CSMD1: variants seen among roughly 807,000 people sequenced by gnomAD.
The protein encoded by CSMD1 is CUB and Sushi multiple domains 1.
Under a neutral mutation model 417.5 loss-of-function variants are expected in CSMD1, and 213 were observed. The ratio of observed to expected loss-of-function variants is 0.51; its 90% confidence interval spans 0.46 to 0.57. The LOEUF (loss-of-function observed/expected upper bound fraction) is 0.57, where lower values mean the gene tolerates loss of function less well. CSMD1 is among the 20% of genes least tolerant of loss of function. The pLI, the probability that CSMD1 is intolerant of heterozygous loss-of-function variation, is 0.00. For missense variants in CSMD1, 6,923 were observed against 4,529.7 expected, an observed-to-expected ratio of 1.53 and a Z score of -15.17; for synonymous variants, 2,862 against 1,736.8, an observed-to-expected ratio of 1.65 and a Z score of -16.11.
At chr8:4,432,198 AAATTGG>A (rs368167153) in intron 2 of CSMD1, among the ~76,000 whole-genome samples, 23 of 152,346 alleles carry the variant, frequency 1.5e-4, no homozygotes, top group Non-Finnish European at 3.2e-4. Flanking sequence ...TGAAAAAGTA[AAATTGG>A]AATTTAAAAA....
intron 3 of CSMD1, among the ~76,000 whole-genome samples, chr8:4,147,841 C>G (rs532710243): frequency 1.3e-5 from 2 of 152,178 alleles, no homozygotes; most frequent in South Asian, 4.1e-4. Context: ...AGAAAGACTT[C>G]TCTGGTCTGG....
At chr8:4,985,192 A>G (rs1489533182) in intron 1 of CSMD1, among the ~76,000 whole-genome samples, 1 of 152,098 alleles carries the variant, frequency 6.6e-6, no homozygotes, top group African/African-American at 2.4e-5. Flanking sequence ...AGGGAACAAC[A>G]CACACCGGGG....
At chr8:4,519,994 G>C (rs1427272711) in intron 2 of CSMD1, among the ~76,000 whole-genome samples, 1 of 151,194 alleles carries the variant, frequency 6.6e-6, no homozygotes, top group Non-Finnish European at 1.5e-5. Context: ...AAGGTTATCA[G>C]AGAAATTATG....
chr8:3,729,313 T>C (rs1015790144), intron 6 of CSMD1, among the ~76,000 whole-genome samples: 2 of 152,178 alleles, frequency 1.3e-5, no homozygotes, highest in Non-Finnish European at 2.9e-5. Context: ...GCAGATGCTG[T>C]CTGAGGGTGG....
At chr8:3,416,528 G>A (rs1014125256) in intron 12 of CSMD1, among the ~76,000 whole-genome samples, 2 of 152,176 alleles carry the variant, frequency 1.3e-5, no homozygotes, top group Admixed American at 6.5e-5. Flanking sequence ...TAAGAAGGCA[G>A]AAAGGAATGA....
chr8:4,254,083 A>C (rs1226161821), intron 3 of CSMD1, among the ~76,000 whole-genome samples: 1 of 151,324 alleles, frequency 6.6e-6, no homozygotes, highest in Non-Finnish European at 1.5e-5. Flanking sequence ...CGCCTGGCTA[A>C]TTTTTTTGTG....
In CSMD1 at chr8:2,944,373, G is replaced by A. The variant is rs183102806; in HGVS notation, c.10403-1769C>T. The stretch of plus-strand genomic sequence containing the variant: ...TGCACTGAGGGTGGTCCCAGCAGCA[G>A]CAGTGGTGCAGCAGTGATGTCCAGT... On this transcript the variant is annotated intron_variant, in intron 68 of 69. Coordinates refer to ENST00000635120, the MANE Select transcript of CSMD1 (RefSeq NM_033225.6). Among the ~76,000 whole-genome samples, 209 of 152,328 alleles carry A rather than the reference G, an allele frequency of 1.4e-3. 1 individual carries two copies. The highest frequency in any genetic ancestry group is 4.6e-3 in the African/African-American group (193 of 41,574).
chr8:3,255,286 G>GA (rs1414426511), intron 26 of CSMD1, among the ~76,000 whole-genome samples: 1 of 152,110 alleles, frequency 6.6e-6, no homozygotes, highest in African/African-American at 2.4e-5. Flanking sequence ...CCTACTGGGG[G>GA]ATGCATCCCA....
intron 52 of CSMD1, among the ~76,000 whole-genome samples, chr8:3,011,740 T>C (rs982541653): frequency 6.6e-6 from 1 of 152,202 alleles, no homozygotes; most frequent in African/African-American, 2.4e-5. Context: ...GAGGATGGGT[T>C]CTTATGTGCT....
At chr8:3,181,695 G>C (rs1276144506) in intron 36 of CSMD1, among the ~76,000 whole-genome samples, 5 of 152,106 alleles carry the variant, frequency 3.3e-5, no homozygotes, top group Non-Finnish European at 5.9e-5. Flanking sequence ...CTCATGCTTA[G>C]TAATGTTCCC....
intron 3 of CSMD1, among the ~76,000 whole-genome samples, chr8:4,146,823 G>C (rs572610575): frequency 6.7e-6 from 1 of 149,434 alleles, no homozygotes; most frequent in Admixed American, 6.6e-5. Context: ...TGTTAGGCAG[G>C]ATAGTCTCGA....
intron 26 of CSMD1, among the ~76,000 whole-genome samples, chr8:3,283,101 C>A (rs1250579892): frequency 1.3e-5 from 2 of 152,116 alleles, no homozygotes; most frequent in African/African-American, 4.8e-5. Flanking sequence ...GATTATAGTT[C>A]ACGTGTGCAG....
chr8:4,141,134 G>C (rs922255690), intron 3 of CSMD1, among the ~76,000 whole-genome samples: 3 of 151,036 alleles, frequency 2.0e-5, no homozygotes, highest in African/African-American at 5.0e-5. Flanking sequence ...TTTCCTCCAA[G>C]AGAGCTCCAA....
intron 2 of CSMD1, among the ~76,000 whole-genome samples, chr8:4,492,168 T>C (rs1434384462): frequency 6.6e-6 from 1 of 152,146 alleles, no homozygotes; most frequent in East Asian, 1.9e-4. Flanking sequence ...GCGATCATAG[T>C]TCACTACAGC....
Position 3,952,968 on chromosome 8 carries a change from G to A in CSMD1, c.818+44935C>T, listed in dbSNP as rs1050550130. ...GAAAGGAATACAAAACAACCTTCCA[G>A]AATACACTATTTAAAAATTAGAAAA... On this transcript the variant is annotated intron_variant, in intron 5 of 69. Coordinates refer to ENST00000635120, the MANE Select transcript of CSMD1 (RefSeq NM_033225.6). 4.0e-5 allele frequency among the ~76,000 whole-genome samples: 6 copies of A among 151,512 alleles called. No homozygotes were observed. In the East Asian group the frequency reaches 7.8e-4, roughly 20 times the overall value.
intron 7 of CSMD1, among the ~76,000 whole-genome samples, chr8:3,675,687 C>G (rs998548345): frequency 1.3e-5 from 2 of 152,134 alleles, no homozygotes; most frequent in African/African-American, 4.8e-5. Flanking sequence ...ATCTGCAAAC[C>G]AGGAAACGGG....
Position 3,884,211 on chromosome 8 carries a change from A to G in CSMD1, c.818+113692T>C, listed in dbSNP as rs573222845. The stretch of plus-strand genomic sequence containing the variant: ...ACTTTTTAAATAGGTAAGTTTGTTT[A>G]ATAAGCCTTCCATTATCCTTTGATA... On this transcript the variant is annotated intron_variant, in intron 5 of 69. Coordinates refer to ENST00000635120, the MANE Select transcript of CSMD1 (RefSeq NM_033225.6). Among the ~76,000 whole-genome samples, 158 of 152,342 alleles carry G rather than the reference A, an allele frequency of 1.0e-3. 1 individual carries two copies. Among genetic ancestry groups the G allele is most frequent in the African/African-American group, 1.1e-3 (46 of 41,588 alleles).
At chr8:3,138,004 G>A (rs1194957620) in intron 41 of CSMD1, among the ~76,000 whole-genome samples, 3 of 152,150 alleles carry the variant, frequency 2.0e-5, no homozygotes, top group Non-Finnish European at 4.4e-5. Context: ...GAGGGCAAAT[G>A]ACCTGAGGTC....
intron 18 of CSMD1, among the ~76,000 whole-genome samples, chr8:3,387,169 C>T (rs1283027693): frequency 6.6e-6 from 1 of 152,144 alleles, no homozygotes; most frequent in Non-Finnish European, 1.5e-5. Context: ...GGTCTGACAT[C>T]CTAGGATATG....
Sources: gnomAD v4.1 joint callset for allele counts (sites outside exome capture counted in the v4.1 genomes callset) on GRCh38, gnomAD v4.1.1 for gene constraint, MANE v1.5 for transcripts, NCBI Gene and HGNC (gene_info 2026-07-23, HGNC 2026-07-21) for gene names.